Variants in CDH2 observed in about 807,000 individuals in gnomAD.
The protein encoded by CDH2 is cadherin-2.
A neutral mutation model predicts 92.0 loss-of-function variants in CDH2; 17 were observed. That is an observed-to-expected ratio of 0.18 (90% CI 0.13 to 0.28). The LOEUF is 0.28. Ranked by LOEUF, CDH2 falls within the 10% of genes least tolerant of loss-of-function variation. The pLI, the probability that CDH2 is intolerant of heterozygous loss-of-function variation, is 1.00. For missense variants in CDH2, 862 were observed against 1,133.1 expected, an observed-to-expected ratio of 0.76 and a Z score of 3.44; for synonymous variants, 419 against 415.9, an observed-to-expected ratio of 1.01 and a Z score of -0.09.
intron 2 of CDH2, among the ~76,000 whole-genome samples, chr18:28,039,610 A>C (rs1320882587): frequency 6.6e-6 from 1 of 152,154 alleles, no homozygotes; most frequent in Admixed American, 6.6e-5. Flanking sequence ...TTTCTAGCTC[A>C]CACTTACTTT....
chr18:28,173,441 A>G (rs2016493215), intron 1 of CDH2, among the ~76,000 whole-genome samples: 1 of 152,166 alleles, frequency 6.6e-6, no homozygotes, highest in African/African-American at 2.4e-5. Flanking sequence ...AATCAAATAA[A>G]TACTGAGAAT....
intron 1 of CDH2, among the ~76,000 whole-genome samples, chr18:28,175,565 A>C (rs574699849): frequency 6.6e-6 from 1 of 152,070 alleles, no homozygotes; most frequent in Non-Finnish European, 1.5e-5. Context: ...TGCGGGAGAA[A>C]GCGCGAGAGA....
chr18:28,036,409 CTTTG>C, intron 2 of CDH2: 1 of 830,018 alleles, frequency 1.2e-6, no homozygotes, highest in South Asian at 1.4e-5. Flanking sequence ...TTTTATGTTA[CTTTG>C]TTTTCCAAGT....
chr18:28,031,312 C>A (rs1337683419), intron 2 of CDH2, among the ~76,000 whole-genome samples: 2 of 151,950 alleles, frequency 1.3e-5, no homozygotes. Context: ...AGCTCCACTT[C>A]CAAAATATAT....
intron 2 of CDH2, among the ~76,000 whole-genome samples, chr18:28,142,540 T>C (rs935898794): frequency 6.6e-6 from 1 of 151,650 alleles, no homozygotes; most frequent in African/African-American, 2.4e-5. Context: ...TTATTGATCT[T>C]ATCATATATT....
At chr18:28,094,587 G>T (rs967734170) in intron 2 of CDH2, among the ~76,000 whole-genome samples, 1 of 151,918 alleles carries the variant, frequency 6.6e-6, no homozygotes, top group Non-Finnish European at 1.5e-5. Flanking sequence ...AAGGTCAGGA[G>T]ATCGAGACCA....
At chr18:28,024,999 T>C (rs2144067435) in intron 2 of CDH2, among the ~76,000 whole-genome samples, 1 of 152,234 alleles carries the variant, frequency 6.6e-6, no homozygotes, top group Non-Finnish European at 1.5e-5. Context: ...AACTTCTATT[T>C]TAGAATAGTG....
rs951832878 is a variant in CDH2, at chr18:27,978,637, G to T, written c.2349+4307C>A. On this transcript the variant is annotated intron_variant, in intron 14 of 15. Transcript: ENST00000269141. Reference sequence around the variant, plus strand: ...GGGGGGGGGGATTCATTACCTTGGGGTAGACATTTTATTTTCTCATTATTA... The same window carrying T: ...GGGGGGGGGGATTCATTACCTTGGGTTAGACATTTTATTTTCTCATTATTA... 5.3e-5 allele frequency among the ~76,000 whole-genome samples: 8 copies of T among 151,654 alleles called. 1 individual carries two copies. The highest frequency in any genetic ancestry group is 4.6e-4 in the Admixed American group (7 of 15,208).
chr18:28,155,691 T>A (rs1371336491), intron 1 of CDH2, among the ~76,000 whole-genome samples: 1 of 152,170 alleles, frequency 6.6e-6, no homozygotes, highest in Non-Finnish European at 1.5e-5. Flanking sequence ...ACTGTTAACG[T>A]CGTTAGTTGA....
At chr18:28,135,847 G>C (rs1004246456) in intron 2 of CDH2, among the ~76,000 whole-genome samples, 14 of 152,088 alleles carry the variant, frequency 9.2e-5, no homozygotes, top group Non-Finnish European at 4.4e-5. Flanking sequence ...AAACCATGCA[G>C]AAATTCTACA....
At chr18:28,159,392 C>T (rs1176570704) in intron 1 of CDH2, 1 of 152,236 alleles carries the variant, frequency 6.6e-6, no homozygotes, top group Non-Finnish European at 1.5e-5. Flanking sequence ...ATGCCTGCCA[C>T]CCTAGTGCTT....
intron 2 of CDH2, among the ~76,000 whole-genome samples, chr18:28,133,490 G>A (rs953214360): frequency 6.7e-6 from 1 of 149,120 alleles, no homozygotes; most frequent in Non-Finnish European, 1.5e-5. Context: ...GCTGAGGCAG[G>A]AGAATCGCTT....
chr18:28,134,778 C>T (rs1010031108), intron 2 of CDH2, among the ~76,000 whole-genome samples: 2 of 152,186 alleles, frequency 1.3e-5, no homozygotes, highest in Non-Finnish European at 2.9e-5. Flanking sequence ...TGTGCACTTA[C>T]TGACACCTCA....
chr18:27,971,921 T>TA (rs1286778144), intron 14 of CDH2, among the ~76,000 whole-genome samples: 6 of 152,178 alleles, frequency 3.9e-5, no homozygotes, highest in African/African-American at 1.4e-4. Flanking sequence ...ATACCATAGT[T>TA]AGATTATACA....
At chr18:27,995,724 TTC>T (rs1444178562) in intron 7 of CDH2, among the ~76,000 whole-genome samples, 2 of 152,218 alleles carry the variant, frequency 1.3e-5, no homozygotes, top group Non-Finnish European at 2.9e-5. Context: ...TACTTGAAAT[TTC>T]TTATTGCTGC....
chr18:28,111,115 C>T (rs2015404182), intron 2 of CDH2, among the ~76,000 whole-genome samples: 2 of 152,224 alleles, frequency 1.3e-5, no homozygotes, highest in African/African-American at 4.8e-5. Flanking sequence ...GCCCAGTCTG[C>T]AGTGGCGCCC....
At position 28,006,014 on chromosome 18, in the gene CDH2, C is replaced by G. The variant is rs188347166; in HGVS notation, c.703-21G>C. On this transcript the variant is annotated intron_variant, in intron 5 of 15. Transcript: ENST00000269141. ...CTCAACTGCAAAAGTAATTAGAAAACAACTATTTAACAGATTTATGTCTGT... is the reference window on the plus strand; with the variant it reads ...CTCAACTGCAAAAGTAATTAGAAAAGAACTATTTAACAGATTTATGTCTGT... 1.4e-4 allele frequency: 229 copies of G among 1,587,914 alleles called. No individual in the cohort carries two copies. In the African/African-American group the frequency reaches 2.7e-3, roughly 19 times the overall value.
intron 2 of CDH2, among the ~76,000 whole-genome samples, chr18:28,125,229 A>C (rs1036045507): frequency 6.6e-6 from 1 of 152,192 alleles, no homozygotes; most frequent in African/African-American, 2.4e-5. Context: ...TGTAAATTGA[A>C]CCATTGTAAG....
At chr18:28,034,760 T>G in intron 2 of CDH2, among the ~76,000 whole-genome samples, 1 of 152,100 alleles carries the variant, frequency 6.6e-6, no homozygotes, top group South Asian at 2.1e-4. Context: ...ACCAGTCACC[T>G]TTTTTTGCAT....
Sources: allele counts gnomAD v4.1 joint callset (sites outside exome capture counted in the v4.1 genomes callset), GRCh38; gene constraint gnomAD v4.1.1; transcripts MANE v1.5; gene names NCBI Gene and HGNC (gene_info 2026-07-23, HGNC 2026-07-21).